Variants in FECH observed in about 807,000 individuals in gnomAD.
FECH encodes ferrochelatase.
Under a neutral mutation model 56.9 loss-of-function variants are expected in FECH, and 40 were observed. The ratio of observed to expected loss-of-function variants is 0.70; its 90% CI spans 0.55 to 0.92. The LOEUF (loss-of-function observed/expected upper bound fraction) is 0.92, where lower values mean the gene tolerates loss of function less well. FECH is among the 40% of genes least tolerant of loss of function. The pLI is 0.00. For synonymous variants in FECH, 175 were observed against 198.6 expected (o/e 0.88, Z 1.00); for missense variants, 431 against 529.1 (o/e 0.81, Z 1.82).
chr18:57,559,300 A>G, intron 6 of FECH, 57 bp from the exon 7 acceptor site: 2 of 1,218,822 alleles, frequency 1.6e-6, no homozygotes, highest in Admixed American at 3.4e-5. Context: ...AATGGAAGGA[A>G]AAAGAAAATA....
rs1399924435 is a variant in FECH, at chr18:57,545,260, A to G, written c.*5452T>C. Among the ~76,000 whole-genome samples, 1 of 152,218 alleles carries G rather than the reference A, an allele frequency of 6.6e-6. No individual in the cohort carries two copies. The highest frequency in any genetic ancestry group is 1.5e-5 in the Non-Finnish European group (1 of 68,036). ...GCTCAAAGCAGGCTTTTTTCCAAAA[A>G]TGTTTTTAATTCCAACATCCATCTT... is the stretch of plus-strand genomic sequence containing the variant. On this transcript the variant is annotated 3_prime_UTR_variant, in exon 11 of 11. Coordinates refer to ENST00000262093, the MANE Select transcript of FECH (RefSeq NM_000140.5).
intron 2 of FECH, among the ~76,000 whole-genome samples, chr18:57,576,167 T>C (rs2051183581): frequency 6.6e-6 from 1 of 152,110 alleles, no homozygotes; most frequent in South Asian, 2.1e-4. Flanking sequence ...CAACCAAAAA[T>C]GTCTCCAGCC....
chr18:57,578,828 ATG>A (rs2051221720), intron 2 of FECH, among the ~76,000 whole-genome samples: 1 of 149,406 alleles, frequency 6.7e-6, no homozygotes, highest in Non-Finnish European at 1.5e-5. Flanking sequence ...GTGTGGTGGC[ATG>A]CACCTGTAAT....
intron 2 of FECH, among the ~76,000 whole-genome samples, chr18:57,577,265 T>C (rs2051197489): frequency 6.6e-6 from 1 of 152,216 alleles, no homozygotes; most frequent in Admixed American, 6.5e-5. Flanking sequence ...TGCCTGTTTT[T>C]GTAAATAAAG....
In FECH at chr18:57,548,636, T is replaced by C. The variant is rs1456172775; in HGVS notation, c.*2076A>G. Reference sequence around the variant, plus strand: ...TCCTACCAAACACTAGCCTAATGTATGACCGTTACCCATCCGTGGTTAGTA... The same window carrying C: ...TCCTACCAAACACTAGCCTAATGTACGACCGTTACCCATCCGTGGTTAGTA... On this transcript the variant is annotated 3_prime_UTR_variant, in exon 11 of 11. Transcript: ENST00000262093. 1 of 152,254 alleles carries C rather than the reference T, an allele frequency of 6.6e-6. No homozygotes were observed. Among genetic ancestry groups the C allele is most frequent in the Non-Finnish European group, 1.5e-5 (1 of 68,046 alleles). 9.4% of individuals were successfully genotyped at this position (152,254 alleles called of 1,614,324 possible). A position where few individuals can be genotyped will look rare whatever the true frequency, so the allele number is the denominator to read the frequency against.
At position 57,551,306 on chromosome 18, in the gene FECH, TG is replaced by T. The variant is rs763237544; in HGVS notation, c.1137+8del. The stretch of plus-strand genomic sequence containing the variant: ...TGTTCTACTAAAACGATTGTAACAC[TG>T]TAGATACCTTAGAGAACAATGGATT... On this transcript the variant is annotated splice_region_variant and intron_variant, in intron 10 of 10. Transcript: ENST00000262093. 1 of 1,598,552 alleles carries T rather than the reference TG, an allele frequency of 6.3e-7. No homozygotes were observed. Among genetic ancestry groups the T allele is most frequent in the Non-Finnish European group, 8.6e-7 (1 of 1,165,952 alleles).
rs992254533 is a variant in FECH, at chr18:57,544,562, T to C, written c.*6150A>G. Among the ~76,000 whole-genome samples the C allele has an allele frequency of 6.6e-6, 1 of 152,244 alleles. No homozygotes were observed. The highest frequency in any genetic ancestry group is 2.4e-5 in the African/African-American group (1 of 41,468). ...ATCTGCAGCCAACCTATGGTTGCAA[T>C]TGATCAACAAGTATAGTTCACACAT... is the stretch of plus-strand genomic sequence containing the variant. On this transcript the variant is annotated 3_prime_UTR_variant, in exon 11 of 11. Transcript: ENST00000262093.
At chr18:57,552,486 C>T (rs1054325759) in intron 9 of FECH, among the ~76,000 whole-genome samples, 2 of 151,880 alleles carry the variant, frequency 1.3e-5, no homozygotes, top group Admixed American at 6.6e-5. Flanking sequence ...TTGCAACCTC[C>T]ACCTCCCAGA....
intron 3 of FECH, among the ~76,000 whole-genome samples, chr18:57,572,513 T>TAAAA (rs57279341): frequency 7.0e-4 from 39 of 55,994 alleles, no homozygotes; most frequent in African/African-American, 2.1e-3. Flanking sequence ...TATACGTATG[T>TAAAA]AAAAAAAAAA....
intron 2 of FECH, among the ~76,000 whole-genome samples, chr18:57,576,645 T>C (rs1166216631): frequency 6.6e-6 from 1 of 151,862 alleles, no homozygotes; most frequent in Non-Finnish European, 1.5e-5. Context: ...AGAACAAGAG[T>C]GGCTTTAAAG....
chr18:57,571,072 A>G (rs2051098190), intron 4 of FECH, among the ~76,000 whole-genome samples: 1 of 152,242 alleles, frequency 6.6e-6, no homozygotes. Flanking sequence ...TTCCAGTGTA[A>G]TGATATATGC....
intron 5 of FECH, among the ~76,000 whole-genome samples, chr18:57,565,994 C>A (rs778690115): frequency 2.6e-5 from 4 of 152,314 alleles, no homozygotes; most frequent in Admixed American, 1.3e-4. Context: ...GCAACCAACT[C>A]ATAACTGAAG....
At chr18:57,551,888 T>TC (rs1387889542) in intron 9 of FECH, among the ~76,000 whole-genome samples, 2 of 128,854 alleles carry the variant, frequency 1.6e-5, no homozygotes, top group African/African-American at 3.8e-5. Flanking sequence ...TTCTTTTTTC[T>TC]TTTTTTTTTT....
rs2051108882 is a variant in FECH at position 57,571,517 on chromosome 18, T to G, written c.338A>C (p.Lys113Thr). 1 of 1,614,042 alleles carries G rather than the reference T, an allele frequency of 6.2e-7. No individual in the cohort carries two copies. Among genetic ancestry groups the G allele is most frequent in the Non-Finnish European group, 8.5e-7 (1 of 1,180,018 alleles). ...IQNKLAPFIA[K>T]RRTPKIQEQY... ...CTCTTGAATCTTGGGGGTTCGGCGT[T>G]TGGCGATGAATGGTGCCAGCTTACT... Residue 113 changes from lysine to threonine, a missense_variant, in exon 4 of 11, where the codon AAA (lysine) becomes ACA (threonine). Coordinates refer to ENST00000262093, the MANE Select transcript of FECH (RefSeq NM_000140.5).
chr18:57,561,580 A>G (rs1284137954), intron 6 of FECH, among the ~76,000 whole-genome samples: 1 of 152,234 alleles, frequency 6.6e-6, no homozygotes, highest in Non-Finnish European at 1.5e-5. Context: ...GAGGGCAGAT[A>G]AATGCCTCTA....
At chr18:57,557,084 A>G (rs1342178188) in intron 7 of FECH, among the ~76,000 whole-genome samples, 1 of 152,138 alleles carries the variant, frequency 6.6e-6, no homozygotes, top group Non-Finnish European at 1.5e-5. Context: ...TGGCATCCAC[A>G]TGAAGCCTGG....
At chr18:57,578,016 G>T (rs954877137) in intron 2 of FECH, among the ~76,000 whole-genome samples, 7 of 151,872 alleles carry the variant, frequency 4.6e-5, no homozygotes, top group African/African-American at 1.5e-4. Context: ...ATATAAATAT[G>T]ATCTAAAGTT....
intron 5 of FECH, among the ~76,000 whole-genome samples, chr18:57,566,013 C>G: frequency 1.3e-5 from 2 of 152,276 alleles, no homozygotes; most frequent in Middle Eastern, 6.8e-3. Context: ...AGCAAAACAA[C>G]GACAACAGCA....
intron 9 of FECH, among the ~76,000 whole-genome samples, chr18:57,552,601 T>C (rs1346958520): frequency 6.6e-6 from 1 of 151,996 alleles, no homozygotes; most frequent in Non-Finnish European, 1.5e-5. Flanking sequence ...GGTTTCACCA[T>C]GTTGGCCAGG....
Sources: gnomAD v4.1 joint callset for allele counts (sites outside exome capture counted in the v4.1 genomes callset) on GRCh38, gnomAD v4.1.1 for gene constraint, MANE v1.5 for transcripts, NCBI Gene and HGNC (gene_info 2026-07-23, HGNC 2026-07-21) for gene names.